Variants in DUSP19 observed in about 807,000 individuals in gnomAD.
DUSP19 encodes dual specificity protein phosphatase 19.
Under a neutral mutation model 16.6 loss-of-function variants are expected in DUSP19, and 14 were observed. The ratio of observed to expected loss-of-function variants is 0.84; its 90% CI spans 0.56 to 1.32. DUSP19 has a LOEUF of 1.32. Ranked by LOEUF, DUSP19 falls within the 40% of genes most tolerant of loss-of-function variation. The probability of loss-of-function intolerance (pLI) is 0.00; values close to 1 mark genes in which losing one functional copy is unlikely to be tolerated. For synonymous variants in DUSP19, 81 were observed against 90.5 expected (o/e 0.90, Z 0.59); for missense variants, 258 against 255.9 (o/e 1.01, Z -0.06).
At chr2:183,088,404 T>TG (rs1180868135) in intron 3 of DUSP19, among the ~76,000 whole-genome samples, 1 of 147,780 alleles carries the variant, frequency 6.8e-6, no homozygotes, top group Admixed American at 6.8e-5. Flanking sequence ...TGTGTTTTTT[T>TG]TTTTTGTTTT....
intron 2 of DUSP19, among the ~76,000 whole-genome samples, chr2:183,084,944 G>T (rs997762036): frequency 6.6e-6 from 1 of 152,334 alleles, no homozygotes; most frequent in African/African-American, 2.4e-5. Flanking sequence ...GGCTAAGGGA[G>T]AAGGAGGAGT....
chr2:183,082,913 C>G (rs1213067219), intron 1 of DUSP19, among the ~76,000 whole-genome samples: 1 of 88,574 alleles, frequency 1.1e-5, no homozygotes, highest in African/African-American at 4.3e-5. Flanking sequence ...CTTTTCTTTT[C>G]TTTTGTTTTC....
In DUSP19 at chr2:183,083,550, A is replaced by G. The variant is rs1401653445; in HGVS notation, c.269A>G (p.Asn90Ser). The change falls in exon 2 of 4, where the codon AAT (asparagine) becomes AGT (serine). Residue 90 changes from asparagine (N) to serine (S), a missense_variant. Asn to Ser is a conservative substitution (Grantham distance 46). Coordinates refer to ENST00000354221, the MANE Select transcript of DUSP19 (RefSeq NM_080876.4). ...AAHDLDTLKK[N>S]KVTHILNVAY... is the part of the protein sequence containing the mutation. ...CATGATTTGGATACACTGAAAAAGA[A>G]TAAGGTAAAAAAATGCTTTAAGTCT... 7 of 1,611,138 alleles carry G rather than the reference A, an allele frequency of 4.3e-6. No homozygotes were observed. The highest frequency in any genetic ancestry group is 1.1e-5 in the South Asian group (1 of 90,238).
In DUSP19 at chr2:183,087,118, T is replaced by C. The variant is rs1489131885; in HGVS notation, c.352T>C (p.Leu118=). Residue 118 remains leucine, a synonymous_variant, in exon 3 of 4, where the codon TTG becomes CTG. Transcript: ENST00000354221. Reference sequence around the variant, plus strand: ...CTTTACATATAAGAGCATTTCTATATTGGATCTGCCTGAAACCAACATCCT... The same window carrying C: ...CTTTACATATAAGAGCATTTCTATACTGGATCTGCCTGAAACCAACATCCT... The part of the protein sequence containing the change: ...SDFTYKSISI[L]DLPETNILSY... 3.1e-6 allele frequency: 5 copies of C among 1,613,392 alleles called. No individual in the cohort carries two copies. The highest frequency in any genetic ancestry group is 1.7e-5 in the Admixed American group (1 of 59,992).
chr2:183,095,758 T>A lies in DUSP19; in HGVS notation c.*100T>A. The A allele has an allele frequency of 6.9e-6, 6 of 865,026 alleles. No individual in the cohort carries two copies. Among genetic ancestry groups the A allele is most frequent in the Non-Finnish European group, 1.0e-5 (6 of 575,992 alleles). The allele number at this position is 865,026 out of a possible 1,614,324, so 53.6% of individuals were successfully genotyped here. ...GAGTAGACTAGCAAAACTCCCTTTT[T>A]TCTCTTGCCTTTTTTATGCATAAAT... On this transcript the variant is annotated 3_prime_UTR_variant, in exon 4 of 4. Transcript: ENST00000354221.
chr2:183,084,678 T>C (rs1016389724), intron 2 of DUSP19, among the ~76,000 whole-genome samples: 15 of 152,114 alleles, frequency 9.9e-5, no homozygotes, highest in African/African-American at 3.6e-4. Flanking sequence ...CACTGAGAAG[T>C]TACCCAGAGA....
chr2:183,087,236 G>A (rs780831219), intron 3 of DUSP19, 44 bp downstream of exon 3: 1 of 1,565,306 alleles, frequency 6.4e-7, no homozygotes, highest in Non-Finnish European at 8.7e-7. Context: ...GCAGAAATTT[G>A]AAAGTGTGGA....
At position 183,095,388 on chromosome 2, in the gene DUSP19, T is replaced by G. The variant is rs771308590; in HGVS notation, c.427-43T>G. ...TGTGCAATTGATATAATAACCTTTC[T>G]CAAATGAATAATGAAGATTTTTGTT... On this transcript the variant is annotated intron_variant, in intron 3 of 3. Transcript: ENST00000354221. 2.6e-6 allele frequency: 4 copies of G among 1,524,048 alleles called. No individual in the cohort carries two copies. In the East Asian group the frequency reaches 6.8e-5, roughly 26 times the overall value. The allele number at this position is 1,524,048 out of a possible 1,614,324, so 94.4% of individuals were successfully genotyped here.
chr2:183,085,141 A>G (rs1357966268), intron 2 of DUSP19, among the ~76,000 whole-genome samples: 1 of 152,160 alleles, frequency 6.6e-6, no homozygotes, highest in Non-Finnish European at 1.5e-5. Flanking sequence ...AATAGAGGTG[A>G]ATATATAGAT....
intron 3 of DUSP19, among the ~76,000 whole-genome samples, chr2:183,093,348 C>G (rs944554299): frequency 6.6e-6 from 1 of 152,134 alleles, no homozygotes; most frequent in Non-Finnish European, 1.5e-5. Flanking sequence ...AAGAATTGCA[C>G]TAAATACTAG....
At position 183,098,450 on chromosome 2, in the gene DUSP19, A is replaced by C. The variant is rs1699832478; in HGVS notation, c.*2792A>C. 6.6e-6 allele frequency: 1 copy of C among 152,094 alleles called. No individual in the cohort carries two copies. The highest frequency in any genetic ancestry group is 2.4e-5 in the African/African-American group (1 of 41,410). 9.4% of individuals were successfully genotyped at this position (152,094 alleles called of 1,614,324 possible). ...ATTGCACTTCCCATGGGGATAAATC[A>C]CTCTGTCATTCCTAGTTATTTTAAA... On this transcript the variant is annotated 3_prime_UTR_variant, in exon 4 of 4. Coordinates refer to ENST00000354221, the MANE Select transcript of DUSP19 (RefSeq NM_080876.4).
intron 3 of DUSP19, among the ~76,000 whole-genome samples, chr2:183,090,067 C>A (rs983770885): frequency 6.6e-6 from 1 of 152,202 alleles, no homozygotes; most frequent in Admixed American, 6.5e-5. Flanking sequence ...AGCCACCATG[C>A]CTGGAAGGCT....
chr2:183,097,139 C>T lies in DUSP19; in HGVS notation c.*1481C>T, dbSNP rs994046374. On this transcript the variant is annotated 3_prime_UTR_variant, in exon 4 of 4. Transcript: ENST00000354221. ...CTCCTGGGCTCAAGCAGTCCTCCCA[C>T]CTCAGTCTCCTGAGTAGCTGAGACT... is the stretch of plus-strand genomic sequence containing the variant. The T allele has an allele frequency of 6.6e-6, 1 of 151,942 alleles. No individual in the cohort carries two copies. The highest frequency in any genetic ancestry group is 2.4e-5 in the African/African-American group (1 of 41,326). 9.4% of individuals were successfully genotyped at this position (151,942 alleles called of 1,614,324 possible).
At position 183,098,416 on chromosome 2, in the gene DUSP19, A is replaced by T. The variant is rs1699832092; in HGVS notation, c.*2758A>T. ...AAGCATAAGGTCATATATACTATAC[A>T]ATATGTTTATTGCACTTCCCATGGG... On this transcript the variant is annotated 3_prime_UTR_variant, in exon 4 of 4. Transcript: ENST00000354221. The T allele has an allele frequency of 6.6e-6, 1 of 152,236 alleles. No individual in the cohort carries two copies. Among genetic ancestry groups the T allele is most frequent in the Non-Finnish European group, 1.5e-5 (1 of 68,048 alleles). The allele number at this position is 152,236 out of a possible 1,614,324, so 9.4% of individuals were successfully genotyped here.
At chr2:183,085,648 G>A (rs1241830921) in intron 2 of DUSP19, among the ~76,000 whole-genome samples, 1 of 151,818 alleles carries the variant, frequency 6.6e-6, no homozygotes, top group East Asian at 1.9e-4. Flanking sequence ...CTTTGAGCAT[G>A]TTTTAAGGCT....
chr2:183,095,556 A>C lies in DUSP19; in HGVS notation c.552A>C (p.Arg184Ser). Residue 184 changes from arginine (R) to serine (S), a missense_variant, in exon 4 of 4, where the codon AGA (arginine) becomes AGC (serine). Arg to Ser is a moderately radical substitution (Grantham distance 110). Transcript: ENST00000354221. The part of the protein sequence containing the change: ...TSAFSLVKNA[R>S]PSICPNSGFM... ...CTTTTTCTTTGGTGAAAAATGCAAG[A>C]CCTTCCATATGTCCAAATTCTGGCT... is the stretch of plus-strand genomic sequence containing the variant. The C allele has an allele frequency of 6.2e-7, 1 of 1,614,078 alleles. No individual in the cohort carries two copies. Among genetic ancestry groups the C allele is most frequent in the South Asian group, 1.1e-5 (1 of 91,074 alleles).
rs1317848978 is a variant in DUSP19 at position 183,085,865 on chromosome 2, T to G, written c.274-1175T>G. ...TTGTTAGGTTTTTTTTTTTTTTTTT[T>G]TTTTTTTTTTTTTTTTTTGAGGCAG... On this transcript the variant is annotated intron_variant, in intron 2 of 3. Transcript: ENST00000354221. 1.8e-3 allele frequency among the ~76,000 whole-genome samples: 231 copies of G among 128,016 alleles called. 3 individuals are homozygous for G. The highest frequency in any genetic ancestry group is 6.4e-3 in the African/African-American group (219 of 34,084). The allele number at this position is 128,016 out of a possible 152,430, so 84.0% of individuals were successfully genotyped here. A position where few individuals can be genotyped will look rare whatever the true frequency, so the allele number is the denominator to read the frequency against.
intron 3 of DUSP19, among the ~76,000 whole-genome samples, chr2:183,088,130 T>C (rs944308663): frequency 2.6e-5 from 4 of 152,236 alleles, no homozygotes; most frequent in African/African-American, 9.6e-5. Context: ...ATACCTTTTC[T>C]ATGTTTATGT....
At position 183,087,107 on chromosome 2, in the gene DUSP19, G is replaced by A; in HGVS notation, c.341G>A (p.Ser114Asn). The A allele has an allele frequency of 1.9e-6, 3 of 1,613,218 alleles. No individual in the cohort carries two copies. Among genetic ancestry groups the A allele is most frequent in the Non-Finnish European group, 2.5e-6 (3 of 1,179,780 alleles). Residue 114 changes from serine (S) to asparagine (N), a missense_variant, in exon 3 of 4, where the codon AGC becomes AAC. Coordinates refer to ENST00000354221, the MANE Select transcript of DUSP19 (RefSeq NM_080876.4). ...TTCCTCAGTGACTTTACATATAAGAGCATTTCTATATTGGATCTGCCTGAA... is the reference window on the plus strand; with the variant it reads ...TTCCTCAGTGACTTTACATATAAGAACATTTCTATATTGGATCTGCCTGAA... ...NAFLSDFTYKSISILDLPETN... is the reference protein window; with the variant it reads ...NAFLSDFTYKNISILDLPETN...
Sources: gnomAD v4.1 joint callset for allele counts (sites outside exome capture counted in the v4.1 genomes callset) on GRCh38, gnomAD v4.1.1 for gene constraint, MANE v1.5 for transcripts, NCBI Gene and HGNC (gene_info 2026-07-23, HGNC 2026-07-21) for gene names.